The following DOCK2 variants were observed in gnomAD, a reference collection of about 807,000 sequenced individuals.
The protein encoded by DOCK2 is dedicator of cytokinesis protein 2.
In DOCK2, 87 loss-of-function variants were observed where a neutral mutation model predicts 248.9. The observed-to-expected ratio is 0.35, with a 90% CI of 0.29 to 0.42. The LOEUF (loss-of-function observed/expected upper bound fraction) is 0.42, where lower values mean the gene tolerates loss of function less well. DOCK2 is among the 10% of genes least tolerant of loss of function. The probability of loss-of-function intolerance (pLI) is 1.00; values close to 1 mark genes in which losing one functional copy is unlikely to be tolerated. For synonymous variants in DOCK2, 805 were observed against 821.6 expected (o/e 0.98, Z 0.35); for missense variants, 1,747 against 2,300.2 (o/e 0.76, Z 4.92).
intron 33 of DOCK2, among the ~76,000 whole-genome samples, chr5:170,024,350 G>A (rs916824187): frequency 4.1e-5 from 6 of 145,944 alleles, no homozygotes; most frequent in African/African-American, 1.6e-4. Context: ...TGTATGTTTG[G>A]GAGAGCCTTT....
chr5:170,011,610 T>C (rs530459724), intron 32 of DOCK2, among the ~76,000 whole-genome samples: 28 of 152,346 alleles, frequency 1.8e-4, no homozygotes, highest in African/African-American at 6.5e-4. Flanking sequence ...TTCAGTGTTT[T>C]AGGATTGCAA....
At chr5:169,904,076 A>G (rs1209637827) in intron 27 of DOCK2, among the ~76,000 whole-genome samples, 1 of 143,820 alleles carries the variant, frequency 7.0e-6, no homozygotes, top group Non-Finnish European at 1.5e-5. Context: ...TGGGCAACAG[A>G]GCAAGACTTC....
intron 29 of DOCK2, among the ~76,000 whole-genome samples, chr5:169,993,549 TTGTGTG>T (rs10626609): frequency 4.0e-5 from 6 of 149,376 alleles, no homozygotes; most frequent in East Asian, 2.0e-4. Context: ...TCACATCCAT[TTGTGTG>T]TGTGTGTGTG....
chr5:169,774,377 G>A (rs1196964272), intron 25 of DOCK2, among the ~76,000 whole-genome samples: 1 of 152,112 alleles, frequency 6.6e-6, no homozygotes, highest in Non-Finnish European at 1.5e-5. Context: ...GTAAAGTGTA[G>A]GTATCACTAT....
At chr5:169,673,331 A>G (rs1212982525) in intron 5 of DOCK2, among the ~76,000 whole-genome samples, 1 of 152,108 alleles carries the variant, frequency 6.6e-6, no homozygotes, top group African/African-American at 2.4e-5. Context: ...CACTCTGGTC[A>G]TTGCAGGAGT....
chr5:169,741,829 A>G (rs1332880782), intron 22 of DOCK2, among the ~76,000 whole-genome samples: 1 of 68,462 alleles, frequency 1.5e-5, no homozygotes, highest in African/African-American at 5.5e-5. Context: ...TTTTTTTTTG[A>G]GACGGAGTCT....
chr5:169,936,757 A>G (rs35887885), intron 27 of DOCK2, among the ~76,000 whole-genome samples: 37,496 of 151,866 alleles, frequency 0.25, 4,907 homozygotes, highest in Non-Finnish European at 0.28. Flanking sequence ...CCTCATGAAT[A>G]ATCTCTGATC....
At chr5:169,689,025 A>C (rs1760143158) in intron 8 of DOCK2, among the ~76,000 whole-genome samples, 1 of 152,152 alleles carries the variant, frequency 6.6e-6, no homozygotes, top group African/African-American at 2.4e-5. Flanking sequence ...GAGGGATAGT[A>C]GTGGCAAATA....
intron 27 of DOCK2, among the ~76,000 whole-genome samples, chr5:169,972,570 TAGATAGATAGATAGATGATA>T (rs1304100725): frequency 1.4e-4 from 9 of 64,682 alleles, no homozygotes; most frequent in East Asian, 1.1e-3. Context: ...GATAGATAGA[TAGATAGATAGATAGATGATA>T]GATAGATAGA....
At chr5:169,831,841 T>C (rs1769247624) in intron 26 of DOCK2, among the ~76,000 whole-genome samples, 1 of 152,208 alleles carries the variant, frequency 6.6e-6, no homozygotes, top group African/African-American at 2.4e-5. Flanking sequence ...AACTTGAGGC[T>C]CAGAGGGGCA....
At chr5:169,716,421 G>A (rs1761918300) in intron 20 of DOCK2, 119 bp downstream of exon 20, 2 of 983,032 alleles carry the variant, frequency 2.0e-6, no homozygotes, top group African/African-American at 1.6e-5. Flanking sequence ...ATTCTTTGGA[G>A]GTGTTGTAAT....
At chr5:169,639,044 C>G (rs917113320) in intron 1 of DOCK2, among the ~76,000 whole-genome samples, 2 of 152,150 alleles carry the variant, frequency 1.3e-5, no homozygotes, top group Non-Finnish European at 2.9e-5. Context: ...TAGATTATGG[C>G]TAGATTGTGA....
intron 27 of DOCK2, among the ~76,000 whole-genome samples, chr5:169,886,840 C>G (rs1772998905): frequency 6.6e-6 from 1 of 152,170 alleles, no homozygotes; most frequent in Admixed American, 6.5e-5. Flanking sequence ...AACGATAACT[C>G]ACACAGGCTA....
At chr5:169,903,029 T>A (rs1051961935) in intron 27 of DOCK2, among the ~76,000 whole-genome samples, 1 of 149,626 alleles carries the variant, frequency 6.7e-6, no homozygotes. Context: ...ACAAAGGAGG[T>A]GGAGGTTGCA....
chr5:170,067,410 C>T (rs1757531032), intron 44 of DOCK2, 100 bp from the exon 45 acceptor site: 2 of 1,263,914 alleles, frequency 1.6e-6, no homozygotes, highest in Non-Finnish European at 2.2e-6. Flanking sequence ...AGCATTGCCT[C>T]ATTTGAATTC....
rs188709427 is a variant in DOCK2 at position 169,879,803 on chromosome 5, C to T, written c.2799+38951C>T. Among the ~76,000 whole-genome samples the T allele has an allele frequency of 3.0e-3, 460 of 152,266 alleles. 5 individuals are homozygous for T. The highest frequency in any genetic ancestry group is 6.1e-3 in the Admixed American group (94 of 15,294). ...TTTTTCAGATGGGGAAAATGATTTG[C>T]CCAAGGCGAGGTCATGAAACTCATA... On this transcript the variant is annotated intron_variant, in intron 27 of 51. Coordinates refer to ENST00000520908, the MANE Select transcript of DOCK2 (RefSeq NM_004946.3).
rs996249187 is a variant in DOCK2 at position 169,646,303 on chromosome 5, T to A, written c.44-8100T>A. Among the ~76,000 whole-genome samples the A allele has an allele frequency of 3.9e-5, 6 of 152,304 alleles. No homozygotes were observed. The South Asian group carries it at 1.0e-3, about 26-fold the overall frequency. ...CTGTTCTGTTCCATTGGTCTATATA[T>A]CTGTTTGAGTACCAGTCCCATAGCA... On this transcript the variant is annotated intron_variant, in intron 1 of 51. Transcript: ENST00000520908.
intron 9 of DOCK2, among the ~76,000 whole-genome samples, chr5:169,694,669 A>G (rs1259444084): frequency 6.6e-6 from 1 of 152,126 alleles, no homozygotes; most frequent in East Asian, 1.9e-4. Context: ...AGTGCGTTTC[A>G]CCAGTTTTGG....
chr5:170,040,766 A>T, intron 36 of DOCK2: 1 of 320,246 alleles, frequency 3.1e-6, no homozygotes, highest in Middle Eastern at 8.9e-4. Flanking sequence ...TCCAGGCAAT[A>T]GTTCTCTCAT....
Sources: gnomAD v4.1 joint callset for allele counts (sites outside exome capture counted in the v4.1 genomes callset) on GRCh38, gnomAD v4.1.1 for gene constraint, MANE v1.5 for transcripts, NCBI Gene and HGNC (gene_info 2026-07-23, HGNC 2026-07-21) for gene names.